FANCD2: variants seen among roughly 807,000 people sequenced by gnomAD.
FANCD2 encodes Fanconi anemia group D2 protein.
Under a neutral mutation model 192.3 loss-of-function variants are expected in FANCD2, and 131 were observed. That is an observed-to-expected ratio of 0.68 (90% CI 0.59 to 0.79). FANCD2 has a LOEUF of 0.79. FANCD2 is among the 30% of genes least tolerant of loss of function. The pLI is 0.00. For missense variants in FANCD2, 1,508 were observed against 1,701.6 expected, an observed-to-expected ratio of 0.89 and a Z score of 2.00; for synonymous variants, 524 against 612.5, an observed-to-expected ratio of 0.86 and a Z score of 2.13.
At chr3:10,053,910 C>A (rs889668423) in intron 18 of FANCD2, among the ~76,000 whole-genome samples, 6 of 152,072 alleles carry the variant, frequency 3.9e-5, no homozygotes, top group Admixed American at 3.9e-4. Flanking sequence ...TTCACGTGGG[C>A]TTGCTTTTGT....
In FANCD2 at chr3:10,046,866, A is replaced by G. The variant is rs995354588; in HGVS notation, c.1278+143A>G. ...TTTGCATTAATCATTTTAATTGTCT[A>G]TCTCAATGCAGTTTGCAACTTTGAC... On this transcript the variant is annotated intron_variant, in intron 15 of 43. Coordinates refer to ENST00000675286, the MANE Select transcript of FANCD2 (RefSeq NM_001018115.3). The G allele has an allele frequency of 2.0e-5, 15 of 747,918 alleles. No individual in the cohort carries two copies. In the African/African-American group the frequency reaches 2.5e-4, roughly 12 times the overall value. The allele number at this position is 747,918 out of a possible 1,614,324, so 46.3% of individuals were successfully genotyped here.
intron 6 of FANCD2, 92 bp from the exon 7 acceptor site, chr3:10,036,195 T>C: frequency 1.9e-6 from 2 of 1,033,084 alleles, no homozygotes; most frequent in South Asian, 2.6e-5. Flanking sequence ...TCCAAGAGGT[T>C]CTCGTGCCTC....
At chr3:10,050,426 C>A (rs917566276) in intron 17 of FANCD2, among the ~76,000 whole-genome samples, 3 of 150,778 alleles carry the variant, frequency 2.0e-5, no homozygotes, top group African/African-American at 7.3e-5. Context: ...AGATCAAGAC[C>A]ATCCTGCCTA....
chr3:10,068,392 T>C (rs892547110), intron 26 of FANCD2, among the ~76,000 whole-genome samples: 1 of 150,972 alleles, frequency 6.6e-6, no homozygotes, highest in Non-Finnish European at 1.5e-5. Context: ...TAGCTACAAA[T>C]AAAATAAACA....
chr3:10,026,959 C>T (rs1442269990), intron 1 of FANCD2, among the ~76,000 whole-genome samples: 2 of 146,066 alleles, frequency 1.4e-5, no homozygotes, highest in Non-Finnish European at 3.0e-5. Context: ...TGGTGAAGAG[C>T]GCAGGTGCTG....
chr3:10,060,035 C>T (rs2087519656), intron 18 of FANCD2, among the ~76,000 whole-genome samples: 1 of 151,814 alleles, frequency 6.6e-6, no homozygotes, highest in African/African-American at 2.4e-5. Flanking sequence ...GGCATGGTGG[C>T]GGGTGCCTGT....
At chr3:10,099,348 C>T (rs1197778604) in intron 43 of FANCD2, 11 of 1,187,320 alleles carry the variant, frequency 9.3e-6, no homozygotes, top group South Asian at 4.1e-5. Context: ...ACATGGCTGG[C>T]GCAGTGGCTC....
In FANCD2 at chr3:10,049,403, C is replaced by G. The variant is rs746537955; in HGVS notation, c.1443C>G (p.Ile481Met). ...TGGTTGGTGCCTTAGTGACCCATATCTGCAGTGGGAATGAAGCTGAAGTTG... is the reference window on the plus strand; with the variant it reads ...TGGTTGGTGCCTTAGTGACCCATATGTGCAGTGGGAATGAAGCTGAAGTTG... ...QEVVGALVTHICSGNEAEVDT... is the reference protein window; with the variant it reads ...QEVVGALVTHMCSGNEAEVDT... Residue 481 changes from isoleucine (I) to methionine (M), a missense_variant, in exon 17 of 44, where the codon ATC becomes ATG. Transcript: ENST00000675286. The G allele has an allele frequency of 6.2e-7, 1 of 1,612,218 alleles. No individual in the cohort carries two copies. Among genetic ancestry groups the G allele is most frequent in the Non-Finnish European group, 8.5e-7 (1 of 1,179,146 alleles).
intron 17 of FANCD2, among the ~76,000 whole-genome samples, chr3:10,051,064 C>T (rs921647159): frequency 6.3e-5 from 9 of 143,760 alleles, no homozygotes; most frequent in Admixed American, 1.4e-4. Flanking sequence ...CCAGCCTAGG[C>T]GAGAAGAGCG....
intron 14 of FANCD2, chr3:10,045,625 A>C (rs2086983566): frequency 1.4e-5 from 2 of 138,760 alleles, no homozygotes; most frequent in Non-Finnish European, 1.5e-5. Context: ...TTTTTGAGAC[A>C]AAGTCTTGCT....
chr3:10,089,142 G>A (rs1304508655), intron 36 of FANCD2, among the ~76,000 whole-genome samples, 192 bp downstream of exon 36: 1 of 151,980 alleles, frequency 6.6e-6, no homozygotes, highest in Admixed American at 6.6e-5. Context: ...AAAATTAGCC[G>A]GGCGTGGTGG....
Position 10,101,231 on chromosome 3 carries a change from A to G in FANCD2, c.4325A>G (p.Asp1442Gly). The change falls in exon 44 of 44, where the codon GAT becomes GGT. Residue 1442 changes from aspartate to glycine, a missense_variant. Around this residue, in one of 5 missense-constraint regions of FANCD2, gnomAD observed 796 missense variants for 879.4 expected, o/e 0.91. Transcript: ENST00000675286. The part of the protein sequence containing the change: ...DEVSAGEKEQ[D>G]SDESYDDSD ...GTAAGTGCTGGAGAAAAGGAGCAAGATAGTGATGAGAGTTATGATGACTCT... is the reference window on the plus strand; with the variant it reads ...GTAAGTGCTGGAGAAAAGGAGCAAGGTAGTGATGAGAGTTATGATGACTCT... 1 of 1,613,406 alleles carries G rather than the reference A, an allele frequency of 6.2e-7. No individual in the cohort carries two copies. The highest frequency in any genetic ancestry group is 8.5e-7 in the Non-Finnish European group (1 of 1,179,412).
At chr3:10,055,366 G>A (rs1298651621) in intron 18 of FANCD2, among the ~76,000 whole-genome samples, 1 of 151,856 alleles carries the variant, frequency 6.6e-6, no homozygotes, top group Non-Finnish European at 1.5e-5. Flanking sequence ...ATCACATTCT[G>A]TCTATGGATT....
At chr3:10,087,359 A>G (rs2125073830) in intron 34 of FANCD2, 95 bp downstream of exon 34, 1 of 1,212,760 alleles carries the variant, frequency 8.2e-7, no homozygotes, top group Non-Finnish European at 1.1e-6. Context: ...ACATTTTTAC[A>G]TGTAAATCCC....
At chr3:10,028,604 T>C in intron 1 of FANCD2, 21 bp from the exon 2 acceptor site, 1 of 1,489,048 alleles carries the variant, frequency 6.7e-7, no homozygotes, top group South Asian at 1.1e-5. Context: ...GGGTAACTTC[T>C]GTTTCCCGAT....
At chr3:10,028,502 A>G in intron 1 of FANCD2, 123 bp from the exon 2 acceptor site, 1 of 689,566 alleles carries the variant, frequency 1.5e-6, no homozygotes, top group Non-Finnish European at 2.6e-6. Flanking sequence ...AGGTTTAGGT[A>G]GCATTAATAT....
chr3:10,033,045 TAGAG>T (rs2086641727), intron 3 of FANCD2, 73 bp downstream of exon 3: 2 of 1,206,168 alleles, frequency 1.7e-6, no homozygotes, highest in Admixed American at 3.6e-5. Context: ...GTTTTCTAAA[TAGAG>T]AGGCAATGAA....
At chr3:10,094,475 C>A in intron 40 of FANCD2, 112 bp downstream of exon 40, 1 of 890,136 alleles carries the variant, frequency 1.1e-6, no homozygotes, top group Non-Finnish European at 1.9e-6. Flanking sequence ...TCCTCTGGTC[C>A]ACTTCAGCTG....
At chr3:10,042,502 A>G in intron 10 of FANCD2, 57 bp from the exon 11 acceptor site, 1 of 1,273,400 alleles carries the variant, frequency 7.9e-7, no homozygotes. Context: ...ACAGTTCAGT[A>G]CAAAGTTGAG....
Sources: gnomAD v4.1 joint callset for allele counts (sites outside exome capture counted in the v4.1 genomes callset) on GRCh38, gnomAD v4.1.1 for gene constraint, gnomAD v4.1.1 regional missense constraint, MANE v1.5 for transcripts, NCBI Gene and HGNC (gene_info 2026-07-23, HGNC 2026-07-21) for gene names.